Variants in RPS3 observed in about 807,000 individuals in gnomAD.
RPS3 encodes ribosomal protein S3.
In RPS3, 2 loss-of-function variants were observed where a neutral mutation model predicts 25.8. The ratio of observed to expected loss-of-function variants is 0.08; its 90% CI spans 0.03 to 0.24. The LOEUF (loss-of-function observed/expected upper bound fraction) is 0.24, where lower values mean the gene tolerates loss of function less well. RPS3 is among the 10% of genes least tolerant of loss of function. The probability of loss-of-function intolerance (pLI) is 1.00; values close to 1 mark genes in which losing one functional copy is unlikely to be tolerated. For synonymous variants in RPS3, 114 were observed against 114.2 expected (o/e 1.00, Z 0.01); for missense variants, 107 against 307.1 (o/e 0.35, Z 4.87).
chr11:75,421,188 G>C (rs2135075066), intron 6 of RPS3, among the ~76,000 whole-genome samples: 1 of 152,286 alleles, frequency 6.6e-6, no homozygotes, highest in Non-Finnish European at 1.5e-5. Context: ...ATAATCGGCG[G>C]GTCGGAGCTC....
chr11:75,401,029 C>T (rs184429049), intron 2 of RPS3, among the ~76,000 whole-genome samples: 9 of 152,234 alleles, frequency 5.9e-5, no homozygotes, highest in Non-Finnish European at 8.8e-5. Context: ...ACTATAGGCG[C>T]CCGCCACCAT....
rs772013017 is a variant in RPS3 at position 75,404,639 on chromosome 11, CA to C, written c.539-32del. On this transcript the variant is annotated intron_variant, in intron 5 of 6. Transcript: ENST00000531188. This position sits in a 1 kb window ranked among gnomAD's most constrained non-coding sequence, Gnocchi z 4.6. ...TGTGTGATGGGGGCCTTTGAGACCC[CA>C]GCTGTGTGCTAACAACTGTGGTGTC... is the stretch of plus-strand genomic sequence containing the variant. 20 of 1,593,000 alleles carry C rather than the reference CA, an allele frequency of 1.3e-5. No individual in the cohort carries two copies. In the Admixed American group the frequency reaches 3.4e-4, roughly 27 times the overall value.
rs371588457 is a variant in RPS3 at position 75,404,435 on chromosome 11, C to T, written c.538+228C>T. 1.1e-5 allele frequency: 9 copies of T among 784,910 alleles called. No homozygotes were observed. The highest frequency in any genetic ancestry group is 3.4e-5 in the Admixed American group (2 of 58,852). The allele number at this position is 784,910 out of a possible 1,614,324, so 48.6% of individuals were successfully genotyped here. Reference sequence around the variant, plus strand: ...ATCTGTGTACCCTTCAGTGATGACACGATGACGAGTCAGAAAGGTCACGTC... The same window carrying T: ...ATCTGTGTACCCTTCAGTGATGACATGATGACGAGTCAGAAAGGTCACGTC... On this transcript the variant is annotated intron_variant, in intron 5 of 6. Coordinates refer to ENST00000531188, the MANE Select transcript of RPS3 (RefSeq NM_001005.5). The surrounding 1 kb of genome is among the most constrained non-coding windows in gnomAD (Gnocchi z 4.6).
downstream of RPS3, among the ~76,000 whole-genome samples, chr11:75,409,687 A>C (rs866712665): frequency 1.3e-5 from 2 of 149,420 alleles, no homozygotes; most frequent in Admixed American, 6.6e-5. Flanking sequence ...GCCCATCCCC[A>C]ATGAGCCGCT....
chr11:75,412,815 C>T (rs548416598), intron 6 of RPS3, among the ~76,000 whole-genome samples: 4 of 152,324 alleles, frequency 2.6e-5, no homozygotes, highest in Non-Finnish European at 4.4e-5. Flanking sequence ...CTCGCTCTAT[C>T]GCCCAGGCTG....
chr11:75,420,263 C>T (rs1948432076), intron 6 of RPS3, among the ~76,000 whole-genome samples: 1 of 152,176 alleles, frequency 6.6e-6, no homozygotes. Flanking sequence ...AGGAGCTTAG[C>T]ACACCTGGGG....
intron 4 of RPS3, 31 bp downstream of exon 4, chr11:75,402,477 C>T: frequency 6.3e-7 from 1 of 1,580,652 alleles, no homozygotes; most frequent in Non-Finnish European, 8.7e-7. Flanking sequence ...TGGTCATGAC[C>T]TTTTGTGTGT....
rs1948227157 is a variant in RPS3 at position 75,402,585 on chromosome 11, C to T, written c.350+139C>T. 7.1e-6 allele frequency: 6 copies of T among 843,152 alleles called. No individual in the cohort carries two copies. The South Asian group carries it at 1.0e-4, about 14-fold the overall frequency. 52.2% of individuals were successfully genotyped at this position (843,152 alleles called of 1,614,324 possible). On this transcript the variant is annotated intron_variant, in intron 4 of 6. Transcript: ENST00000531188. ...CCAGGGTTATAATAAGATACTAAGT[C>T]ATGCCCTCACTGAACTGGCAGGCTA...
At chr11:75,410,758 C>A (rs1323333613), downstream of RPS3, among the ~76,000 whole-genome samples, 1 of 152,196 alleles carries the variant, frequency 6.6e-6, no homozygotes, top group African/African-American at 2.4e-5. Flanking sequence ...CCGAGGCTGG[C>A]GGATCACTCG....
At chr11:75,419,792 C>A (rs1948427918) in intron 6 of RPS3, among the ~76,000 whole-genome samples, 1 of 152,118 alleles carries the variant, frequency 6.6e-6, no homozygotes, top group African/African-American at 2.4e-5. Context: ...CGCCACCATG[C>A]CCGGCTAATT....
At chr11:75,400,633 C>G in intron 1 of RPS3, 61 bp from the exon 2 acceptor site, 1 of 1,595,464 alleles carries the variant, frequency 6.3e-7, no homozygotes. Flanking sequence ...ACTAGACTGG[C>G]TCAGGCGAAA....
At chr11:75,419,886 G>A (rs959282485) in intron 6 of RPS3, among the ~76,000 whole-genome samples, 2 of 152,078 alleles carry the variant, frequency 1.3e-5, no homozygotes, top group Non-Finnish European at 2.9e-5. Flanking sequence ...CACCCACCTC[G>A]GCCTCCCTAA....
chr11:75,413,311 A>ACTCACTGCGATCTCAG (rs1241577332), intron 6 of RPS3, among the ~76,000 whole-genome samples: 2 of 150,882 alleles, frequency 1.3e-5, no homozygotes, highest in Non-Finnish European at 3.0e-5. Flanking sequence ...TGCGATCTCG[A>ACTCACTGCGATCTCAG]CTCACTGCGA....
chr11:75,413,118 A>G (rs1222572717), intron 6 of RPS3, among the ~76,000 whole-genome samples: 2 of 152,144 alleles, frequency 1.3e-5, no homozygotes, highest in East Asian at 3.9e-4. Flanking sequence ...TCCAAATAAT[A>G]TTTTAAAACA....
At chr11:75,417,382 G>C (rs529307979) in intron 6 of RPS3, among the ~76,000 whole-genome samples, 301 of 152,234 alleles carry the variant, frequency 2.0e-3, no homozygotes, top group Non-Finnish European at 3.5e-3. Flanking sequence ...GGAATCAAAG[G>C]TCAGGAGTCG....
intron 6 of RPS3, among the ~76,000 whole-genome samples, chr11:75,414,545 A>G (rs1301235342): frequency 6.6e-6 from 1 of 151,994 alleles, no homozygotes; most frequent in Non-Finnish European, 1.5e-5. Context: ...CAGGAGGCGG[A>G]GCTTGCAGTG....
At chr11:75,421,495 C>G (rs554272999) in intron 6 of RPS3, among the ~76,000 whole-genome samples, 6 of 152,296 alleles carry the variant, frequency 3.9e-5, no homozygotes, top group African/African-American at 1.4e-4. Context: ...TCTGAGCTCA[C>G]CCCTCCCTAC....
At position 75,404,381 on chromosome 11, in the gene RPS3, C is replaced by T. The variant is rs1437201460; in HGVS notation, c.538+174C>T. On this transcript the variant is annotated intron_variant, in intron 5 of 6. Transcript: ENST00000531188. The surrounding 1 kb of genome is among the most constrained non-coding windows in gnomAD (Gnocchi z 4.6). Reference sequence around the variant, plus strand: ...ATCGATTTGCTGAGATCTGTCAGATCCAAGAGTTGGTTTGTCCTTGTTTTA... The same window carrying T: ...ATCGATTTGCTGAGATCTGTCAGATTCAAGAGTTGGTTTGTCCTTGTTTTA... 3 of 806,744 alleles carry T rather than the reference C, an allele frequency of 3.7e-6. No individual in the cohort carries two copies. The East Asian group carries it at 7.3e-5, about 20-fold the overall frequency. 50.0% of individuals were successfully genotyped at this position (806,744 alleles called of 1,614,324 possible).
rs781630287 is a variant in RPS3 at position 75,404,540 on chromosome 11, C to G, written c.539-132C>G. 5 of 892,252 alleles carry G rather than the reference C, an allele frequency of 5.6e-6. No individual in the cohort carries two copies. In the South Asian group the frequency reaches 6.6e-5, roughly 12 times the overall value. The allele number at this position is 892,252 out of a possible 1,614,324, so 55.3% of individuals were successfully genotyped here. On this transcript the variant is annotated intron_variant, in intron 5 of 6. Coordinates refer to ENST00000531188, the MANE Select transcript of RPS3 (RefSeq NM_001005.5). The surrounding 1 kb of genome is among the most constrained non-coding windows in gnomAD (Gnocchi z 4.6). ...TGGCAGAAGTGTCCTATTTATTGAT[C>G]GATTTAGAGGCATTTGTCTGAGAAG...
Sources: allele counts gnomAD v4.1 joint callset (sites outside exome capture counted in the v4.1 genomes callset), GRCh38; gene constraint gnomAD v4.1.1; non-coding constraint Gnocchi (gnomAD v3.1); transcripts MANE v1.5; gene names NCBI Gene and HGNC (gene_info 2026-07-23, HGNC 2026-07-21).